Variants in TRIM55 observed in about 807,000 individuals in gnomAD.
TRIM55 encodes the protein tripartite motif containing 55.
A neutral mutation model predicts 60.9 loss-of-function variants in TRIM55; 50 were observed. That is an observed-to-expected ratio of 0.82 (90% CI 0.65 to 1.04). The LOEUF is 1.04. Ranked by LOEUF, TRIM55 falls within the 50% of genes least tolerant of loss-of-function variation. The probability of loss-of-function intolerance (pLI) is 0.00; values close to 1 mark genes in which losing one functional copy is unlikely to be tolerated. For synonymous variants in TRIM55, 237 were observed against 238.1 expected (o/e 1.00, Z 0.04); for missense variants, 681 against 666.9 (o/e 1.02, Z -0.23).
chr8:66,115,455 C>A, the TRIM55 span, among the ~76,000 whole-genome samples: 5 of 152,266 alleles, frequency 3.3e-5, no homozygotes, highest in East Asian at 9.6e-4. Flanking sequence ...GGTGTTCTAG[C>A]TGGCTGAGGG....
chr8:66,167,406 A>G (rs1811386544), intron 9 of TRIM55, among the ~76,000 whole-genome samples: 1 of 152,186 alleles, frequency 6.6e-6, no homozygotes, highest in Admixed American at 6.5e-5. Context: ...TGTCTACATG[A>G]CACAAAATTG....
chr8:66,113,475 T>C, the TRIM55 span: 4 of 455,228 alleles, frequency 8.8e-6, no homozygotes, highest in Admixed American at 2.4e-5. Flanking sequence ...GTGCGGTTTT[T>C]TTCTCCAGCT....
At chr8:66,113,471 T>G in the TRIM55 span, 1 of 452,912 alleles carries the variant, frequency 2.2e-6, no homozygotes, top group Non-Finnish European at 4.4e-6. Context: ...ACAAGTGCGG[T>G]TTTTTTCTCC....
intron 9 of TRIM55, among the ~76,000 whole-genome samples, chr8:66,157,924 T>C (rs1332034932): frequency 6.6e-6 from 1 of 152,182 alleles, no homozygotes. Context: ...GGACCACTAC[T>C]TTTTGTTAGA....
rs1199737443 is a variant in TRIM55 at position 66,174,572 on chromosome 8, G to T, written c.1626G>T (p.Trp542Cys). 8 of 1,603,296 alleles carry T rather than the reference G, an allele frequency of 5.0e-6. No individual in the cohort carries two copies. In the African/African-American group the frequency reaches 9.4e-5, roughly 19 times the overall value. ...EPARHIFSFSWLNSLNE is the reference protein window; with the variant it reads ...EPARHIFSFSCLNSLNE ...CTCGCCATATCTTCTCCTTTTCCTG[G>T]TTGAACTCCCTAAATGAATGATATT... Residue 542 changes from tryptophan (W) to cysteine (C), a missense_variant, in exon 10 of 10, where the codon TGG (tryptophan) becomes TGT (cysteine). Physicochemically the swap from Trp to Cys is radical, Grantham distance 215 (BLOSUM62 -2). Transcript: ENST00000315962.
chr8:66,156,800 G>T (rs1810769008), intron 9 of TRIM55, among the ~76,000 whole-genome samples: 1 of 152,292 alleles, frequency 6.6e-6, no homozygotes, highest in South Asian at 2.1e-4. Context: ...TCTCTGCCGT[G>T]TCTGGAACTG....
chr8:66,115,391 G>A, the TRIM55 span, among the ~76,000 whole-genome samples: 1 of 152,154 alleles, frequency 6.6e-6, no homozygotes, highest in African/African-American at 2.4e-5. Context: ...CACAAAGTAA[G>A]AAAAAGAATT....
intron 8 of TRIM55, among the ~76,000 whole-genome samples, chr8:66,153,058 A>T (rs1480080649): frequency 1.3e-5 from 2 of 152,114 alleles, no homozygotes; most frequent in South Asian, 4.2e-4. Context: ...AATAAATAGC[A>T]TACAGAGTAA....
chr8:66,125,149 C>A (rs1014674488), upstream of TRIM55, among the ~76,000 whole-genome samples: 1 of 152,252 alleles, frequency 6.6e-6, no homozygotes, highest in Non-Finnish European at 1.5e-5. Context: ...AATATTAAAG[C>A]CTTCGAAATC....
At chr8:66,161,557 A>G (rs7827407) in intron 9 of TRIM55, among the ~76,000 whole-genome samples, 35,139 of 151,788 alleles carry the variant, frequency 0.23, 8,155 homozygotes, top group African/African-American at 0.6. Context: ...TTCTAGTTCT[A>G]TGAAGAATGA....
chr8:66,167,408 A>G (rs780799380), intron 9 of TRIM55, among the ~76,000 whole-genome samples: 17 of 152,204 alleles, frequency 1.1e-4, no homozygotes, highest in Non-Finnish European at 2.4e-4. Flanking sequence ...TCTACATGAC[A>G]CAAAATTGTC....
At chr8:66,167,504 C>G (rs947470662) in intron 9 of TRIM55, among the ~76,000 whole-genome samples, 1 of 152,206 alleles carries the variant, frequency 6.6e-6, no homozygotes, top group Non-Finnish European at 1.5e-5. Flanking sequence ...CCACCCTGAT[C>G]CCATCAATTC....
the TRIM55 span, among the ~76,000 whole-genome samples, chr8:66,116,511 G>A: frequency 2.0e-5 from 3 of 151,620 alleles, no homozygotes; most frequent in Non-Finnish European, 4.4e-5. Flanking sequence ...GGAGGGTAAG[G>A]TAGGAGGATC....
chr8:66,173,566 A>G (rs1284209240), intron 9 of TRIM55, among the ~76,000 whole-genome samples: 1 of 152,214 alleles, frequency 6.6e-6, no homozygotes, highest in Non-Finnish European at 1.5e-5. Context: ...ATCTGGTGGG[A>G]TAATTTTACC....
In TRIM55 at chr8:66,135,011, G is replaced by A. The variant is rs1281959357; in HGVS notation, c.363G>A (p.Gln121=). 3 of 1,614,036 alleles carry A rather than the reference G, an allele frequency of 1.9e-6. No homozygotes were observed. The African/African-American group carries it at 4.0e-5, about 22-fold the overall frequency. The change falls in exon 3 of 10, where the codon CAG becomes CAA. Residue 121 remains glutamine (Q), a synonymous_variant. Coordinates refer to ENST00000315962, the MANE Select transcript of TRIM55 (RefSeq NM_184085.2). ...CCAGGCCAGAAAAGAAATCCGACCA[G>A]CCCATGTGCGAGGAACATGAAGAGG... ...ESTRPEKKSD[Q]PMCEEHEEER... is the part of the protein sequence containing the mutation.
upstream of TRIM55, among the ~76,000 whole-genome samples, chr8:66,126,244 TA>T (rs1272666304): frequency 1.3e-5 from 2 of 152,212 alleles, no homozygotes; most frequent in African/African-American, 4.8e-5. Context: ...CAAAATAAAA[TA>T]ATAGATCTGC....
At position 66,127,432 on chromosome 8, in the gene TRIM55, T is replaced by C; in HGVS notation, c.164T>C (p.Phe55Ser). Residue 55 changes from phenylalanine to serine, a missense_variant, in exon 1 of 10, where the codon TTC becomes TCC. By Grantham distance (155) the Phe-to-Ser change is radical (BLOSUM62 -2). Coordinates refer to ENST00000315962, the MANE Select transcript of TRIM55 (RefSeq NM_184085.2). ...NLCRKCASDI[F>S]QASNPYLPTR... The stretch of plus-strand genomic sequence containing the variant: ...TGTAGGAAATGTGCCAGTGATATTT[T>C]CCAGGTAGGTTTGTTTGGAATTTGG... 1 of 1,613,998 alleles carries C rather than the reference T, an allele frequency of 6.2e-7. No homozygotes were observed. Among genetic ancestry groups the C allele is most frequent in the African/African-American group, 1.3e-5 (1 of 75,040 alleles).
At chr8:66,149,941 A>C in intron 5 of TRIM55, 63 bp downstream of exon 5, 3 of 1,295,524 alleles carry the variant, frequency 2.3e-6, no homozygotes, top group Non-Finnish European at 3.3e-6. Flanking sequence ...ATTAGTTATC[A>C]CATTTTTATT....
intron 9 of TRIM55, among the ~76,000 whole-genome samples, chr8:66,170,902 T>TA (rs1586265499): frequency 6.6e-6 from 1 of 152,214 alleles, no homozygotes; most frequent in East Asian, 1.9e-4. Context: ...AACCTAAATC[T>TA]AAAATCATTT....
Sources: gnomAD v4.1 joint callset for allele counts (sites outside exome capture counted in the v4.1 genomes callset) on GRCh38, gnomAD v4.1.1 for gene constraint, MANE v1.5 for transcripts, NCBI Gene and HGNC (gene_info 2026-07-23, HGNC 2026-07-21) for gene names.